KCNA2: variants seen among roughly 807,000 people sequenced by gnomAD.
KCNA2 encodes the protein potassium voltage-gated channel subfamily A member 2, also known as potassium channel, voltage gated shaker related subfamily A, member 2.
KCNA2 carries 11 observed loss-of-function variants against 33.4 expected under a neutral mutation model. The ratio of observed to expected loss-of-function variants is 0.33; its 90% confidence interval spans 0.21 to 0.55. KCNA2 has a LOEUF of 0.55. KCNA2 is among the 20% of genes least tolerant of loss of function. The pLI, the probability that KCNA2 is intolerant of heterozygous loss-of-function variation, is 0.93. For missense variants in KCNA2, 291 were observed against 621.6 expected (o/e 0.47, Z 5.66); for synonymous variants, 222 against 231.3 (o/e 0.96, Z 0.37).
At position 110,600,403 on chromosome 1, in the gene KCNA2, T is replaced by A. The variant is rs1161646042; in HGVS notation, c.*2880A>T. On this transcript the variant is annotated 3_prime_UTR_variant, in exon 3 of 3. Transcript: ENST00000316361. ...TTTTGCATCTGAGTTTCAGGTTGTA[T>A]ATTTGTATGTGGTGTATGTTTGTCT... The A allele has an allele frequency of 1.3e-5, 13 of 984,992 alleles. No individual in the cohort carries two copies. The highest frequency in any genetic ancestry group is 6.2e-5 in the Admixed American group (1 of 16,238). 61.0% of individuals were successfully genotyped at this position (984,992 alleles called of 1,614,324 possible).
At chr1:110,620,428 CTG>C (rs1336728169) in intron 1 of KCNA2, among the ~76,000 whole-genome samples, 1 of 152,172 alleles carries the variant, frequency 6.6e-6, no homozygotes, top group Non-Finnish European at 1.5e-5. Flanking sequence ...CCAGCAAACT[CTG>C]TCTCCCAGGC....
chr1:110,628,295 A>C (rs1026120877), intron 1 of KCNA2, among the ~76,000 whole-genome samples: 1 of 152,130 alleles, frequency 6.6e-6, no homozygotes, highest in African/African-American at 2.4e-5. Flanking sequence ...TTATAAAAAG[A>C]GGGAGCAGTG....
rs975608659 is a variant in KCNA2 at position 110,602,480 on chromosome 1, T to A, written c.*803A>T. 1 of 1,196,212 alleles carries A rather than the reference T, an allele frequency of 8.4e-7. No individual in the cohort carries two copies. The highest frequency in any genetic ancestry group is 1.0e-6 in the Non-Finnish European group (1 of 962,050). The allele number at this position is 1,196,212 out of a possible 1,614,324, so 74.1% of individuals were successfully genotyped here. A position where few individuals can be genotyped will look rare whatever the true frequency, so the allele number is the denominator to read the frequency against. On this transcript the variant is annotated 3_prime_UTR_variant, in exon 3 of 3. Transcript: ENST00000316361. ...TGGGCCACATCAGTGGGAAAGCAGATGTCTGCAAACTCCAGTAAGAAACCA... is the reference window on the plus strand; with the variant it reads ...TGGGCCACATCAGTGGGAAAGCAGAAGTCTGCAAACTCCAGTAAGAAACCA...
chr1:110,598,316 A>G lies in KCNA2; in HGVS notation c.*4967T>C. 2 of 904,868 alleles carry G rather than the reference A, an allele frequency of 2.2e-6. No individual in the cohort carries two copies. 56.1% of individuals were successfully genotyped at this position (904,868 alleles called of 1,614,324 possible). A position where few individuals can be genotyped will look rare whatever the true frequency, so the allele number is the denominator to read the frequency against. On this transcript the variant is annotated 3_prime_UTR_variant, in exon 3 of 3. Transcript: ENST00000316361. ...CTCTCTTGAGTAAACAAGTCAAAGC[A>G]CTGTGCTCCCCTGCCTGACATAGGG...
chr1:110,625,118 C>A (rs959294078), intron 1 of KCNA2, among the ~76,000 whole-genome samples: 1 of 152,236 alleles, frequency 6.6e-6, no homozygotes, highest in African/African-American at 2.4e-5. Context: ...CAGCCCTTGG[C>A]CCATTGCAGA....
At position 110,620,259 on chromosome 1, in the gene KCNA2, C is replaced by G. The variant is rs114323018; in HGVS notation, c.-496+11136G>C. On this transcript the variant is annotated intron_variant, in intron 1 of 4. Transcript: ENST00000369770. ...GTCAGGCAGGTTAGCCTTGGAGGCT[C>G]TCAGTGTAGACAGTGTCTTAGAGAT... is the stretch of plus-strand genomic sequence containing the variant. Among the ~76,000 whole-genome samples the G allele has an allele frequency of 4.5e-3, 680 of 152,294 alleles. 6 individuals carry two copies. The highest frequency in any genetic ancestry group is 0.016 in the African/African-American group (644 of 41,540).
intron 1 of KCNA2, among the ~76,000 whole-genome samples, chr1:110,613,561 A>G (rs1371156098): frequency 1.3e-5 from 2 of 152,164 alleles, no homozygotes; most frequent in African/African-American, 2.4e-5. Flanking sequence ...TTGAGTTGCC[A>G]CAGGGCCAGC....
In KCNA2 at chr1:110,594,355, C is replaced by T; in HGVS notation, c.*8928G>A. The T allele has an allele frequency of 1.0e-6, 1 of 982,052 alleles. No homozygotes were observed. The highest frequency in any genetic ancestry group is 1.2e-6 in the Non-Finnish European group (1 of 828,350). 60.8% of individuals were successfully genotyped at this position (982,052 alleles called of 1,614,324 possible). On this transcript the variant is annotated 3_prime_UTR_variant, in exon 3 of 3. Coordinates refer to ENST00000316361, the MANE Select transcript of KCNA2 (RefSeq NM_004974.4). ...TATATATATATACACACACATCACACACAATATAAAGTCTCCAGAGGCAGC... is the reference window on the plus strand; with the variant it reads ...TATATATATATACACACACATCACATACAATATAAAGTCTCCAGAGGCAGC...
chr1:110,607,147 G>C (rs1649679235), upstream of KCNA2: 1 of 152,202 alleles, frequency 6.6e-6, no homozygotes, highest in Non-Finnish European at 1.5e-5. Context: ...GCCCAAGCCT[G>C]CTGCGCTGCA....
In KCNA2 at chr1:110,601,899, G is replaced by T. The variant is rs916683542; in HGVS notation, c.*1384C>A. 1.4e-6 allele frequency: 2 copies of T among 1,453,974 alleles called. No individual in the cohort carries two copies. Among genetic ancestry groups the T allele is most frequent in the African/African-American group, 2.9e-5 (2 of 70,060 alleles). 90.1% of individuals were successfully genotyped at this position (1,453,974 alleles called of 1,614,324 possible). A position where few individuals can be genotyped will look rare whatever the true frequency, so the allele number is the denominator to read the frequency against. ...ACATAGTCAAACACATGCATAAATT[G>T]CCCTTTGTCAAAAATATTGCATAAG... is the stretch of plus-strand genomic sequence containing the variant. On this transcript the variant is annotated 3_prime_UTR_variant, in exon 3 of 3. Coordinates refer to ENST00000316361, the MANE Select transcript of KCNA2 (RefSeq NM_004974.4).
In KCNA2 at chr1:110,596,024, A is replaced by C; in HGVS notation, c.*7259T>G. 1.0e-6 allele frequency: 1 copy of C among 985,458 alleles called. No homozygotes were observed. The highest frequency in any genetic ancestry group is 1.2e-6 in the Non-Finnish European group (1 of 829,934). The allele number at this position is 985,458 out of a possible 1,614,324, so 61.0% of individuals were successfully genotyped here. A position where few individuals can be genotyped will look rare whatever the true frequency, so the allele number is the denominator to read the frequency against. On this transcript the variant is annotated 3_prime_UTR_variant, in exon 3 of 3. Transcript: ENST00000316361. ...ACCAGGGCAGACAGAAGAAAGGCTA[A>C]AGCACCTGGCTGTTAGATCAGACTT...
chr1:110,625,943 C>A (rs144169181), intron 1 of KCNA2, among the ~76,000 whole-genome samples: 1 of 152,176 alleles, frequency 6.6e-6, no homozygotes, highest in African/African-American at 2.4e-5. Flanking sequence ...AAAAGTTTAG[C>A]CATATATTTA....
chr1:110,627,829 A>C (rs975913435), intron 1 of KCNA2, among the ~76,000 whole-genome samples: 3 of 128,548 alleles, frequency 2.3e-5, no homozygotes, highest in South Asian at 4.6e-4. Flanking sequence ...ACCCTGTCTC[A>C]AAAAAAAAAA....
chr1:110,615,612 G>T (rs1650023373), intron 1 of KCNA2, among the ~76,000 whole-genome samples: 2 of 152,182 alleles, frequency 1.3e-5, no homozygotes, highest in Admixed American at 6.5e-5. Context: ...GGCACTACTT[G>T]TTAGTGTCAG....
In KCNA2 at chr1:110,595,504, T is replaced by C; in HGVS notation, c.*7779A>G. 1 of 985,298 alleles carries C rather than the reference T, an allele frequency of 1.0e-6. No homozygotes were observed. Among genetic ancestry groups the C allele is most frequent in the Non-Finnish European group, 1.2e-6 (1 of 829,930 alleles). The allele number at this position is 985,298 out of a possible 1,614,324, so 61.0% of individuals were successfully genotyped here. ...GACACCCCTGCACCACTTCAATTGC[T>C]CCAGATACAGTGAAAAATCCCTCCC... On this transcript the variant is annotated 3_prime_UTR_variant, in exon 3 of 3. Coordinates refer to ENST00000316361, the MANE Select transcript of KCNA2 (RefSeq NM_004974.4).
chr1:110,625,883 G>A (rs1650375334), intron 1 of KCNA2, among the ~76,000 whole-genome samples: 1 of 152,140 alleles, frequency 6.6e-6, no homozygotes, highest in African/African-American at 2.4e-5. Flanking sequence ...TACATATTAA[G>A]GCTACACTGA....
chr1:110,597,381 A>G lies in KCNA2; in HGVS notation c.*5902T>C, dbSNP rs1211140079. On this transcript the variant is annotated 3_prime_UTR_variant, in exon 3 of 3. Transcript: ENST00000316361. ...CCATTACATCTGCCAGACTGAGGGA[A>G]AGTCAACAAAATGGGCTGAAAAGGT... 1.0e-6 allele frequency: 1 copy of G among 985,280 alleles called. No homozygotes were observed. The highest frequency in any genetic ancestry group is 1.2e-6 in the Non-Finnish European group (1 of 829,936). 61.0% of individuals were successfully genotyped at this position (985,280 alleles called of 1,614,324 possible). A position where few individuals can be genotyped will look rare whatever the true frequency, so the allele number is the denominator to read the frequency against.
At position 110,600,647 on chromosome 1, in the gene KCNA2, G is replaced by C; in HGVS notation, c.*2636C>G. ...TTTAGAGTCCTGGGCCAAGGACACT[G>C]TGATAAGATATCTATCCCTGACCTA... On this transcript the variant is annotated 3_prime_UTR_variant, in exon 3 of 3. Coordinates refer to ENST00000316361, the MANE Select transcript of KCNA2 (RefSeq NM_004974.4). 1 of 985,416 alleles carries C rather than the reference G, an allele frequency of 1.0e-6. No individual in the cohort carries two copies. Among genetic ancestry groups the C allele is most frequent in the African/African-American group, 1.7e-5 (1 of 57,340 alleles). The allele number at this position is 985,416 out of a possible 1,614,324, so 61.0% of individuals were successfully genotyped here. A position where few individuals can be genotyped will look rare whatever the true frequency, so the allele number is the denominator to read the frequency against.
chr1:110,604,458 A>C lies in KCNA2; in HGVS notation c.325T>G (p.Phe109Val). Reference protein sequence around the residue: ...RRPVNVPLDIFSEEIRFYELG... With the variant: ...RRPVNVPLDIVSEEIRFYELG... Reference sequence around the variant, plus strand: ...TCATAAAACCGAATTTCTTCAGAGAATATATCTAAGGGCACATTCACAGGT... The same window carrying C: ...TCATAAAACCGAATTTCTTCAGAGACTATATCTAAGGGCACATTCACAGGT... The change falls in exon 3 of 3, where the codon TTC becomes GTC. Residue 109 changes from phenylalanine to valine, a missense_variant. Phe to Val is a conservative substitution (Grantham distance 50). Coordinates refer to ENST00000316361, the MANE Select transcript of KCNA2 (RefSeq NM_004974.4). This position sits in a 1 kb window ranked among gnomAD's most constrained non-coding sequence, Gnocchi z 7.6. 1 of 1,614,202 alleles carries C rather than the reference A, an allele frequency of 6.2e-7. No homozygotes were observed. The highest frequency in any genetic ancestry group is 8.5e-7 in the Non-Finnish European group (1 of 1,180,044).
Sources: allele counts gnomAD v4.1 joint callset (sites outside exome capture counted in the v4.1 genomes callset), GRCh38; gene constraint gnomAD v4.1.1; non-coding constraint Gnocchi (gnomAD v3.1); transcripts MANE v1.5; gene names NCBI Gene and HGNC (gene_info 2026-07-23, HGNC 2026-07-21).